The following DGKZ variants were observed in gnomAD, a reference collection of about 807,000 sequenced individuals.
The protein encoded by DGKZ is DAG kinase zeta.
DGKZ carries 45 observed loss-of-function variants against 142.5 expected under a neutral mutation model. That is an observed-to-expected ratio of 0.32 (90% CI 0.25 to 0.40). DGKZ has a LOEUF of 0.40. Ranked by LOEUF, DGKZ falls within the 10% of genes least tolerant of loss-of-function variation. The pLI is 1.00. For missense variants in DGKZ, 755 were observed against 1,306.5 expected, an observed-to-expected ratio of 0.58 and a Z score of 6.51; for synonymous variants, 442 against 527.0, an observed-to-expected ratio of 0.84 and a Z score of 2.21.
chr11:46,366,077 C>T (rs1453898724), intron 1 of DGKZ: 1 of 985,264 alleles, frequency 1.0e-6, no homozygotes, highest in East Asian at 1.1e-4. Flanking sequence ...GCTGCAGTGA[C>T]CCCTCCCTCC....
rs543823481 is a variant in DGKZ, at chr11:46,350,965, T to TGAG, written c.161+3161_161+3163dup. The stretch of plus-strand genomic sequence containing the variant: ...TTGCCGGAACTATCAGTCTCCTCCC[T>TGAG]GAGGAGGAGGAGGAGGAGAGGAGGT... On this transcript the variant is annotated intron_variant, in intron 1 of 30. Coordinates refer to ENST00000527911, the Ensembl canonical transcript of DGKZ. 2.6e-3 allele frequency among the ~76,000 whole-genome samples: 386 copies of TGAG among 151,114 alleles called. 3 individuals are homozygous for TGAG. Among genetic ancestry groups the TGAG allele is most frequent in the African/African-American group, 8.7e-3 (359 of 41,180 alleles).
In DGKZ at chr11:46,370,025, C is replaced by G. The variant is rs375124914; in HGVS notation, c.570+16C>G. On this transcript the variant is annotated intron_variant, in intron 6 of 30. Coordinates refer to ENST00000527911, the Ensembl canonical transcript of DGKZ. The stretch of plus-strand genomic sequence containing the variant: ...CTGTGGGAAGGTGAGAGGCCCTGCC[C>G]GAGGACATCGCCACCTGCACCTGCG... 1.9e-6 allele frequency: 3 copies of G among 1,613,430 alleles called. No individual in the cohort carries two copies. Among genetic ancestry groups the G allele is most frequent in the African/African-American group, 1.3e-5 (1 of 75,064 alleles).
At chr11:46,345,382 C>G (rs1043593890), upstream of DGKZ, 2 of 1,409,404 alleles carry the variant, frequency 1.4e-6, no homozygotes, top group South Asian at 3.1e-5. This position sits in a 1 kb window ranked among gnomAD's most constrained non-coding sequence, Gnocchi z 4.1. Flanking sequence ...CAGGAAGTGC[C>G]GAAAGAGGAA....
At chr11:46,369,457 G>T in intron 4 of DGKZ, 37 bp from the exon 5 acceptor site, 1 of 1,613,698 alleles carries the variant, frequency 6.2e-7, no homozygotes, top group South Asian at 1.1e-5. Context: ...CCGAAGGGAG[G>T]TTCTGACATT....
In DGKZ at chr11:46,371,757, C is replaced by T. The variant is rs111613271; in HGVS notation, c.813C>T (p.Ser271=). ...AGAGGGCATCCTTCAAGAGGAAGTCCAGCAAGAAAGGGCCTGAGGTCAGCC... is the reference window on the plus strand; with the variant it reads ...AGAGGGCATCCTTCAAGAGGAAGTCTAGCAAGAAAGGGCCTGAGGTCAGCC... Residue 271 remains serine, a synonymous_variant, in exon 9 of 31, where the codon TCC becomes TCT. Coordinates refer to ENST00000527911, the Ensembl canonical transcript of DGKZ. 3,662 of 1,613,534 alleles carry T rather than the reference C, an allele frequency of 2.3e-3. 74 individuals carry two copies. The African/African-American group carries it at 0.043, about 19-fold the overall frequency.
At chr11:46,379,389 C>A in intron 29 of DGKZ, 80 bp from the exon 30 acceptor site, 1 of 1,570,704 alleles carries the variant, frequency 6.4e-7, no homozygotes. Context: ...GAACTTCCTG[C>A]CCTTTCTGAT....
intron 1 of DGKZ, among the ~76,000 whole-genome samples, chr11:46,363,066 C>G (rs1005268163): frequency 2.0e-5 from 3 of 152,162 alleles, no homozygotes; most frequent in Non-Finnish European, 4.4e-5. Context: ...TCAGGGTGAC[C>G]TTTACACGTA....
chr11:46,347,961 G>C lies in DGKZ; in HGVS notation c.161+141G>C, dbSNP rs1940871209. ...GGGGAGAGGCTGGCACCGGCGGCAC[G>C]AGCCGTCTTGGCGTGGGCACCCACT... is the stretch of plus-strand genomic sequence containing the variant. On this transcript the variant is annotated intron_variant, in intron 1 of 30. Transcript: ENST00000527911. The surrounding 1 kb of genome is among the most constrained non-coding windows in gnomAD (Gnocchi z 6.4). 5 of 1,206,896 alleles carry C rather than the reference G, an allele frequency of 4.1e-6. No individual in the cohort carries two copies. Among genetic ancestry groups the C allele is most frequent in the Non-Finnish European group, 5.2e-6 (5 of 954,480 alleles). 74.8% of individuals were successfully genotyped at this position (1,206,896 alleles called of 1,614,324 possible). A position where few individuals can be genotyped will look rare whatever the true frequency, so the allele number is the denominator to read the frequency against.
At chr11:46,360,657 G>A (rs1222929028) in intron 1 of DGKZ, among the ~76,000 whole-genome samples, 2 of 152,102 alleles carry the variant, frequency 1.3e-5, no homozygotes, top group African/African-American at 4.8e-5. Flanking sequence ...ATGGTGGCAG[G>A]TGCCTGTAAT....
chr11:46,338,228 G>A (rs1278934093), intron 1 of DGKZ, among the ~76,000 whole-genome samples: 1 of 152,144 alleles, frequency 6.6e-6, no homozygotes, highest in African/African-American at 2.4e-5. Flanking sequence ...CGGGCGTGGT[G>A]GCTCACGCCT....
intron 1 of DGKZ, chr11:46,366,125 T>C: frequency 7.1e-7 from 1 of 1,399,986 alleles, no homozygotes; most frequent in Non-Finnish European, 9.2e-7. Context: ...GCAGAGGCTG[T>C]GAATGGGCTC....
chr11:46,365,808 G>A (rs183038680), intron 1 of DGKZ: 75 of 985,414 alleles, frequency 7.6e-5, no homozygotes, highest in African/African-American at 7.0e-5. Flanking sequence ...GGGCCCCACC[G>A]TCCATCCAGG....
At chr11:46,376,651 C>CGATGG (rs1348502798) in intron 24 of DGKZ, 87 bp downstream of exon 24, 1 of 1,539,064 alleles carries the variant, frequency 6.5e-7, no homozygotes, top group Non-Finnish European at 8.9e-7. Flanking sequence ...TTAGCTCCCC[C>CGATGG]GATGGGCTCA....
At chr11:46,376,429 C>G in intron 23 of DGKZ, 32 bp downstream of exon 23, 1 of 1,614,054 alleles carries the variant, frequency 6.2e-7, no homozygotes, top group Admixed American at 1.7e-5. Context: ...CAAGCTGTTT[C>G]GTGTTCCCTC....
intron 19 of DGKZ, 54 bp from the exon 20 acceptor site, chr11:46,375,378 A>AC (rs1157119671): frequency 4.6e-6 from 7 of 1,507,524 alleles, no homozygotes; most frequent in South Asian, 3.7e-5. Flanking sequence ...AGAGTCTGGG[A>AC]CCCCCCTGCC....
chr11:46,365,540 A>AGTG (rs1234244396), intron 1 of DGKZ: 4 of 985,420 alleles, frequency 4.1e-6, no homozygotes, highest in Non-Finnish European at 4.8e-6. Flanking sequence ...AGAGCCAGAC[A>AGTG]GTGACTCTCC....
intron 1 of DGKZ, among the ~76,000 whole-genome samples, chr11:46,334,602 G>A (rs1939921455): frequency 6.6e-6 from 1 of 152,178 alleles, no homozygotes; most frequent in South Asian, 2.1e-4. Flanking sequence ...AAGGGGAGGG[G>A]ATTTTCCAAG....
Position 46,367,706 on chromosome 11 carries a change from T to G in DGKZ, c.325T>G (p.Phe109Val). Residue 109 changes from phenylalanine (F) to valine (V), a missense_variant, in exon 3 of 31, where the codon TTC (phenylalanine) becomes GTC (valine). Physicochemically the swap from Phe to Val is conservative, Grantham distance 50. Coordinates refer to ENST00000527911, the Ensembl canonical transcript of DGKZ. The surrounding 1 kb of genome is among the most constrained non-coding windows in gnomAD (Gnocchi z 4.1). ...GTTCGAGACCAACGTGTCCGGGGACTTCTGCTACGTTGGGGAGCAGTACTG... is the reference window on the plus strand; with the variant it reads ...GTTCGAGACCAACGTGTCCGGGGACGTCTGCTACGTTGGGGAGCAGTACTG... 1 of 1,612,276 alleles carries G rather than the reference T, an allele frequency of 6.2e-7. No homozygotes were observed. Among genetic ancestry groups the G allele is most frequent in the Non-Finnish European group, 8.5e-7 (1 of 1,179,436 alleles).
intron 25 of DGKZ, 96 bp from the exon 26 acceptor site, chr11:46,378,102 C>G: frequency 6.8e-7 from 1 of 1,481,032 alleles, no homozygotes; most frequent in Non-Finnish European, 9.2e-7. Flanking sequence ...ACTCAATAAA[C>G]TGTGGAAAGG....
Sources: allele counts gnomAD v4.1 joint callset (sites outside exome capture counted in the v4.1 genomes callset), GRCh38; gene constraint gnomAD v4.1.1; non-coding constraint Gnocchi (gnomAD v3.1); transcripts MANE v1.5; gene names NCBI Gene and HGNC (gene_info 2026-07-23, HGNC 2026-07-21).